EPM2A: variants seen among roughly 807,000 people sequenced by gnomAD.
EPM2A encodes the protein laforin.
Under a neutral mutation model 26.5 loss-of-function variants are expected in EPM2A, and 21 were observed. That is an observed-to-expected ratio of 0.79 (90% CI 0.56 to 1.14). EPM2A has a LOEUF of 1.14. Among genes scored for constraint, EPM2A ranks in the 50% most tolerant of loss-of-function variants. The pLI, the probability that EPM2A is intolerant of heterozygous loss-of-function variation, is 0.00. For synonymous variants in EPM2A, 217 were observed against 177.6 expected (o/e 1.22, Z -1.76); for missense variants, 458 against 440.8 (o/e 1.04, Z -0.35).
intron 2 of EPM2A, among the ~76,000 whole-genome samples, chr6:145,549,592 T>C (rs1272088162): frequency 6.6e-6 from 1 of 152,110 alleles, no homozygotes; most frequent in Non-Finnish European, 1.5e-5. Flanking sequence ...TCTAACACTA[T>C]AAACGCTGAT....
chr6:145,560,072 T>C (rs949068745), intron 2 of EPM2A, among the ~76,000 whole-genome samples: 1 of 152,086 alleles, frequency 6.6e-6, no homozygotes, highest in East Asian at 1.9e-4. Context: ...TCACATCAAG[T>C]ACTTGGACAA....
intron 3 of EPM2A, chr6:145,501,949 TTGTCCAAAGTCTTAG>T (rs1166469398): frequency 4.4e-6 from 2 of 450,274 alleles, no homozygotes; most frequent in Non-Finnish European, 9.2e-6. Flanking sequence ...CTTTAAATAC[TTGTCCAAAGTCTTAG>T]TGCTGGAGTA....
downstream of EPM2A, among the ~76,000 whole-genome samples, chr6:145,623,607 C>T (rs1775683285): frequency 6.6e-6 from 1 of 152,102 alleles, no homozygotes; most frequent in Non-Finnish European, 1.5e-5. Flanking sequence ...TGACTTTTAC[C>T]TTGAGTGACG....
intron 4 of EPM2A, among the ~76,000 whole-genome samples, chr6:145,468,833 C>T (rs1337933691): frequency 6.6e-6 from 1 of 152,054 alleles, no homozygotes; most frequent in Non-Finnish European, 1.5e-5. Context: ...AAGAAACAAT[C>T]AACAAAGTGA....
intron 2 of EPM2A, chr6:145,671,323 G>A: frequency 3.9e-6 from 4 of 1,014,038 alleles, no homozygotes; most frequent in Non-Finnish European, 4.7e-6. Context: ...TGAGTTGAAT[G>A]TACGTCTTGA....
chr6:145,693,274 C>T (rs1426460232), intron 1 of EPM2A, among the ~76,000 whole-genome samples: 1 of 151,894 alleles, frequency 6.6e-6, no homozygotes, highest in Non-Finnish European at 1.5e-5. Context: ...TATCCTAAAA[C>T]TTTGCTCAAG....
chr6:145,685,078 G>A (rs1288783553), intron 2 of EPM2A, among the ~76,000 whole-genome samples: 1 of 152,116 alleles, frequency 6.6e-6, no homozygotes, highest in Non-Finnish European at 1.5e-5. Context: ...TACAAACACT[G>A]TAAGTTCTAC....
intron 4 of EPM2A, among the ~76,000 whole-genome samples, chr6:145,427,811 T>C (rs372022640): frequency 7.2e-5 from 11 of 152,202 alleles, no homozygotes; most frequent in African/African-American, 2.7e-4. Context: ...TAAATATTCA[T>C]GCCTACTTTC....
chr6:145,676,782 A>C (rs1400855108), intron 2 of EPM2A, among the ~76,000 whole-genome samples: 1 of 152,234 alleles, frequency 6.6e-6, no homozygotes, highest in Non-Finnish European at 1.5e-5. Context: ...TTGAGGCAAT[A>C]ATTGATAGCA....
chr6:145,710,480 G>A (rs2128631546), intron 1 of EPM2A, among the ~76,000 whole-genome samples: 1 of 152,318 alleles, frequency 6.6e-6, no homozygotes, highest in East Asian at 1.9e-4. Context: ...AACAGGTGCT[G>A]GAGAGGATGT....
At position 145,627,588 on chromosome 6, in the gene EPM2A, G is replaced by A. The variant is rs1027738243; in HGVS notation, c.824C>T (p.Ala275Val). 44 of 1,614,092 alleles carry A rather than the reference G, an allele frequency of 2.7e-5. No individual in the cohort carries two copies. The highest frequency in any genetic ancestry group is 3.5e-5 in the Non-Finnish European group (41 of 1,180,052). The change falls in exon 4 of 4, where the codon GCG becomes GTG. Residue 275 changes from alanine (A) to valine (V), a missense_variant. Transcript: ENST00000367519. Reference protein sequence around the residue: ...HCNAGVGRSTAAVCGWLQYVM... With the variant: ...HCNAGVGRSTVAVCGWLQYVM... ...ATACTGGAGCCAGCCGCAGACAGCC[G>A]CGGTGGAGCGGCCCACCCCAGCGTT...
intron 1 of EPM2A, among the ~76,000 whole-genome samples, chr6:145,699,169 A>T (rs1243933817): frequency 3.3e-5 from 5 of 152,212 alleles, no homozygotes; most frequent in African/African-American, 1.2e-4. Flanking sequence ...GTAATAAATG[A>T]AGTTTAAAAC....
intron 4 of EPM2A, among the ~76,000 whole-genome samples, chr6:145,435,528 G>T (rs189334141): frequency 0.01 from 1,508 of 150,432 alleles, 24 homozygotes; most frequent in African/African-American, 0.035. Flanking sequence ...ATAAAAATAG[G>T]TTATAAATTA....
At chr6:145,723,919 C>A (rs913636424) in intron 1 of EPM2A, among the ~76,000 whole-genome samples, 1 of 152,072 alleles carries the variant, frequency 6.6e-6, no homozygotes, top group African/African-American at 2.4e-5. Flanking sequence ...TTGACAGAGT[C>A]ATACAAAGAA....
At chr6:145,670,059 T>C (rs1779532502) in intron 2 of EPM2A, among the ~76,000 whole-genome samples, 1 of 152,178 alleles carries the variant, frequency 6.6e-6, no homozygotes, top group South Asian at 2.1e-4. Flanking sequence ...ATTCTCCTGG[T>C]TCGGTTCACT....
intron 2 of EPM2A, among the ~76,000 whole-genome samples, chr6:145,649,964 T>C (rs1205207066): frequency 6.6e-6 from 1 of 152,202 alleles, no homozygotes; most frequent in African/African-American, 2.4e-5. Flanking sequence ...TGAATGGGCA[T>C]TTCTATTCCA....
At chr6:145,470,686 T>A (rs1030431129) in intron 4 of EPM2A, among the ~76,000 whole-genome samples, 1 of 152,166 alleles carries the variant, frequency 6.6e-6, no homozygotes, top group South Asian at 2.1e-4. Flanking sequence ...AGATTTTGAA[T>A]ACACAAGTTT....
intron 1 of EPM2A, among the ~76,000 whole-genome samples, chr6:145,687,406 T>C (rs891721127): frequency 2.0e-5 from 3 of 152,032 alleles, no homozygotes; most frequent in African/African-American, 7.3e-5. Context: ...CTAACCAATA[T>C]ATGGTGTTTT....
chr6:145,437,049 C>A (rs1041588515), intron 4 of EPM2A, among the ~76,000 whole-genome samples: 2 of 151,968 alleles, frequency 1.3e-5, no homozygotes, highest in Non-Finnish European at 2.9e-5. Flanking sequence ...TATGGTTTGG[C>A]TTTATGTCCC....
Sources: allele counts gnomAD v4.1 joint callset (sites outside exome capture counted in the v4.1 genomes callset), GRCh38; gene constraint gnomAD v4.1.1; transcripts MANE v1.5; gene names NCBI Gene and HGNC (gene_info 2026-07-23, HGNC 2026-07-21).